The following SNX24 variants were observed in gnomAD, a reference collection of about 807,000 sequenced individuals.
The protein encoded by SNX24 is sorting nexin 24.
A neutral mutation model predicts 28.7 loss-of-function variants in SNX24; 22 were observed. The ratio of observed to expected loss-of-function variants is 0.77; its 90% CI spans 0.55 to 1.10. The LOEUF (loss-of-function observed/expected upper bound fraction) is 1.10, where lower values mean the gene tolerates loss of function less well. SNX24 is among the 50% of genes least tolerant of loss of function. SNX24 has a pLI of 0.00. For synonymous variants in SNX24, 69 were observed against 71.5 expected (o/e 0.96, Z 0.18); for missense variants, 221 against 201.1 (o/e 1.10, Z -0.60).
chr5:122,877,250 A>G (rs1290394693), intron 1 of SNX24, among the ~76,000 whole-genome samples: 1 of 152,180 alleles, frequency 6.6e-6, no homozygotes, highest in African/African-American at 2.4e-5. Flanking sequence ...TCCGATCTGC[A>G]TTAGGTGGGG....
chr5:122,867,841 T>A (rs1755789305), intron 1 of SNX24, among the ~76,000 whole-genome samples: 1 of 152,198 alleles, frequency 6.6e-6, no homozygotes, highest in South Asian at 2.1e-4. Flanking sequence ...GAAGACATGG[T>A]CTTCCAAGTC....
intron 1 of SNX24, among the ~76,000 whole-genome samples, chr5:122,874,835 G>GCTTC (rs1437565184): frequency 6.6e-6 from 1 of 152,140 alleles, no homozygotes; most frequent in African/African-American, 2.4e-5. Flanking sequence ...CTGAGTCTTG[G>GCTTC]CTTCCTTCAA....
intron 3 of SNX24, among the ~76,000 whole-genome samples, chr5:122,980,417 T>A (rs1761343822): frequency 6.6e-6 from 1 of 152,164 alleles, no homozygotes; most frequent in Non-Finnish European, 1.5e-5. Context: ...AAGTTCACTT[T>A]GCTTGATCCC....
intron 3 of SNX24, among the ~76,000 whole-genome samples, chr5:122,970,831 C>T (rs918628867): frequency 2.0e-5 from 3 of 152,146 alleles, no homozygotes; most frequent in Admixed American, 6.5e-5. Flanking sequence ...TGACTTGGCC[C>T]GTGTGATTAT....
At chr5:122,938,718 A>C (rs1458273536) in intron 2 of SNX24, among the ~76,000 whole-genome samples, 1 of 10,304 alleles carries the variant, frequency 9.7e-5, no homozygotes, top group Non-Finnish European at 1.3e-4. Flanking sequence ...AGGCGGGCGG[A>C]TCACGAGGTC....
chr5:122,902,387 T>G (rs1013442069), intron 1 of SNX24, among the ~76,000 whole-genome samples: 4 of 152,262 alleles, frequency 2.6e-5, no homozygotes, highest in African/African-American at 9.6e-5. Context: ...TTTTATTGTT[T>G]ACATACAGGG....
intron 6 of SNX24, 177 bp downstream of exon 6, chr5:123,002,181 A>G: frequency 1.7e-6 from 1 of 594,652 alleles, no homozygotes; most frequent in South Asian, 2.2e-5. Context: ...CTGGCCTTTC[A>G]GGAGGAAATG....
intron 1 of SNX24, among the ~76,000 whole-genome samples, chr5:122,864,080 G>C (rs1258414138): frequency 6.6e-6 from 1 of 152,186 alleles, no homozygotes; most frequent in African/African-American, 2.4e-5. Context: ...CTTACCTATT[G>C]GTTACATGAG....
intron 3 of SNX24, among the ~76,000 whole-genome samples, chr5:122,978,825 A>G (rs547264408): frequency 1.1e-4 from 17 of 152,338 alleles, no homozygotes; most frequent in African/African-American, 4.1e-4. Flanking sequence ...GAGCTGAGAA[A>G]GAGCTGAAAA....
intron 1 of SNX24, among the ~76,000 whole-genome samples, chr5:122,897,286 C>A (rs1184866492): frequency 2.0e-5 from 3 of 152,032 alleles, no homozygotes; most frequent in Non-Finnish European, 4.4e-5. Flanking sequence ...AACAGTAAGC[C>A]AGAATGTTTA....
At chr5:123,002,031 G>T (rs777830373) in intron 6 of SNX24, 27 bp downstream of exon 6, 1 of 1,575,716 alleles carries the variant, frequency 6.3e-7, no homozygotes, top group East Asian at 2.2e-5. Context: ...TCTGCTAACA[G>T]CTCTTTACTG....
chr5:122,959,817 G>C (rs1434977786), intron 3 of SNX24, among the ~76,000 whole-genome samples: 1 of 152,052 alleles, frequency 6.6e-6, no homozygotes, highest in Non-Finnish European at 1.5e-5. Context: ...ACACACACGA[G>C]GAGTTAGGAG....
intron 1 of SNX24, among the ~76,000 whole-genome samples, chr5:122,903,810 T>G (rs1472277939): frequency 1.3e-5 from 2 of 152,216 alleles, no homozygotes; most frequent in African/African-American, 2.4e-5. Context: ...TTGATAAGCT[T>G]CTGCTTTGTT....
intron 1 of SNX24, among the ~76,000 whole-genome samples, chr5:122,861,882 C>T (rs1755475318): frequency 1.3e-5 from 2 of 152,154 alleles, no homozygotes; most frequent in Non-Finnish European, 2.9e-5. Context: ...TCTCTTTACA[C>T]CCTCACCCTT....
At chr5:122,867,980 C>T (rs1336215837) in intron 1 of SNX24, among the ~76,000 whole-genome samples, 1 of 152,230 alleles carries the variant, frequency 6.6e-6, no homozygotes, top group Non-Finnish European at 1.5e-5. Context: ...GCTTGAAGTT[C>T]TGTCCACAGG....
chr5:122,916,047 C>T (rs1758146893), intron 1 of SNX24, among the ~76,000 whole-genome samples: 1 of 152,220 alleles, frequency 6.6e-6, no homozygotes, highest in African/African-American at 2.4e-5. Flanking sequence ...TCACTGTATT[C>T]CCATCCTGTA....
Position 123,003,449 on chromosome 5 carries a change from AATAG to A in SNX24, c.442+1450_442+1453del, listed in dbSNP as rs527754097. ...TCATAATGCAATCTAATATAGATTA[AATAG>A]ATAGTTTTATAAATTATTCTTATTA... On this transcript the variant is annotated intron_variant, in intron 6 of 6. Transcript: ENST00000261369. Among the ~76,000 whole-genome samples, 30 of 152,052 alleles carry A rather than the reference AATAG, an allele frequency of 2.0e-4. No individual in the cohort carries two copies. In the South Asian group the frequency reaches 2.1e-3, roughly 11 times the overall value.
intron 3 of SNX24, among the ~76,000 whole-genome samples, chr5:122,956,345 C>G (rs1760208369): frequency 1.1e-5 from 1 of 90,118 alleles, no homozygotes; most frequent in African/African-American, 5.2e-5. Context: ...ACCTTTAAAA[C>G]ACTTGGGAAA....
intron 3 of SNX24, among the ~76,000 whole-genome samples, chr5:122,946,617 G>A (rs898129068): frequency 1.3e-5 from 2 of 152,132 alleles, no homozygotes; most frequent in Non-Finnish European, 2.9e-5. Context: ...AAAAATTGCC[G>A]ATGATGAAGT....
Sources: allele counts gnomAD v4.1 joint callset (sites outside exome capture counted in the v4.1 genomes callset), GRCh38; gene constraint gnomAD v4.1.1; transcripts MANE v1.5; gene names NCBI Gene and HGNC (gene_info 2026-07-23, HGNC 2026-07-21).